TAF1: variants seen among roughly 807,000 people sequenced by gnomAD.
TAF1 encodes the protein transcription initiation factor TFIID subunit 1.
Under a neutral mutation model 138.5 loss-of-function variants are expected in TAF1, and 2 were observed. That is an observed-to-expected ratio of 0.01 (90% CI 0.01 to 0.05). The LOEUF (loss-of-function observed/expected upper bound fraction) is 0.05. TAF1 is among the 10% of genes least tolerant of loss of function. The pLI, the probability that TAF1 is intolerant of heterozygous loss-of-function variation, is 1.00. For synonymous variants in TAF1, 437 were observed against 503.2 expected (o/e 0.87, Z 1.76); for missense variants, 709 against 1,478.0 (o/e 0.48, Z 8.53).
At chrX:71,452,886 C>G (rs770722010) in intron 32 of TAF1, among the ~76,000 whole-genome samples, 6 of 112,369 alleles carry the variant, frequency 5.3e-5, no homozygotes, top group Non-Finnish European at 1.1e-4. Flanking sequence ...CAGCGAAACC[C>G]GGTCTCCACC....
chrX:71,383,070 G>A lies in TAF1; in HGVS notation c.1853G>A (p.Arg618His), dbSNP rs143439292. 1.2e-5 allele frequency: 15 copies of A among 1,210,456 alleles called. No homozygotes were observed. Among genetic ancestry groups the A allele is most frequent in the Non-Finnish European group, 1.7e-5 (15 of 895,226 alleles). ...MGPIKLRQFH[R>H]PPLKKYSFGA... ...CCCATCAAACTCCGGCAGTTCCATC[G>A]CCCACCTCTGAAAAAGTACTCATTT... is the stretch of plus-strand genomic sequence containing the variant. The change falls in exon 12 of 38, where the codon CGC becomes CAC. Residue 618 changes from arginine to histidine, a missense_variant. Transcript: ENST00000423759.
intron 25 of TAF1, 135 bp downstream of exon 25, chrX:71,401,874 A>G: frequency 1.7e-6 from 1 of 602,517 alleles, no homozygotes; most frequent in Non-Finnish European, 2.6e-6. Context: ...GCGTTTCCTC[A>G]GTTATTGTTG....
chrX:71,503,348 A>ATATATATATATGTG (rs1205535187), intron 13 of TAF1, among the ~76,000 whole-genome samples: 3 of 92,844 alleles, frequency 3.2e-5, no homozygotes, highest in Admixed American at 1.2e-4. Flanking sequence ...ATATATGTGT[A>ATATATATATATGTG]TATATATATA....
chrX:71,452,157 G>T (rs1205759121), intron 32 of TAF1, among the ~76,000 whole-genome samples: 2 of 107,986 alleles, frequency 1.9e-5, no homozygotes, highest in Admixed American at 9.6e-5. Context: ...CCGGGCGGGG[G>T]GCTGACCCCC....
intron 28 of TAF1, among the ~76,000 whole-genome samples, chrX:71,409,230 CCT>C (rs1462625587): frequency 5.5e-5 from 6 of 108,528 alleles, no homozygotes; most frequent in African/African-American, 2.0e-4. Flanking sequence ...GGATTTCATT[CCT>C]GTTGCCCAGT....
intron 32 of TAF1, among the ~76,000 whole-genome samples, chrX:71,431,439 A>C (rs1398206190): frequency 9.0e-6 from 1 of 110,738 alleles, no homozygotes; most frequent in African/African-American, 3.3e-5. Flanking sequence ...GATGAGCTCA[A>C]ATAGGGAGTA....
Position 71,459,636 on chromosome X carries a change from T to C in TAF1, c.5149T>C (p.Leu1717=). 8.3e-7 allele frequency: 1 copy of C among 1,211,166 alleles called. No homozygotes were observed. Among genetic ancestry groups the C allele is most frequent in the Non-Finnish European group, 1.1e-6 (1 of 895,375 alleles). The part of the protein sequence containing the change: ...QPQASVLYED[L]LMSEGEDDEE... ...TCAAGCCAGTGTCCTGTATGAGGAT[T>C]TGCTTATGTCTGAAGGAGAAGATGA... is the stretch of plus-strand genomic sequence containing the variant. The change falls in exon 36 of 38, where the codon TTG becomes CTG. Residue 1717 remains leucine (L), a synonymous_variant. Coordinates refer to ENST00000423759, the MANE Select transcript of TAF1 (RefSeq NM_004606.5).
intron 15 of TAF1, among the ~76,000 whole-genome samples, chrX:71,387,810 G>A (rs2007550652): frequency 3.6e-5 from 4 of 111,367 alleles, no homozygotes; most frequent in African/African-American, 1.3e-4. Context: ...GCACATGCCT[G>A]TAATCCCAGC....
intron 14 of TAF1, 178 bp from the exon 15 acceptor site, chrX:71,387,083 A>C (rs1216737788): frequency 2.7e-5 from 13 of 478,986 alleles, no homozygotes; most frequent in Non-Finnish European, 4.5e-5. Flanking sequence ...AAGATAGTGG[A>C]TGAAAAATTG....
intron 13 of TAF1, among the ~76,000 whole-genome samples, chrX:71,478,992 G>A (rs146027119): frequency 0.013 from 1,487 of 112,374 alleles, 11 homozygotes; most frequent in African/African-American, 0.033. Context: ...TTGCACCACC[G>A]TACCAGAAGA....
chrX:71,465,037 T>C lies in TAF1; in HGVS notation c.*991T>C, dbSNP rs1488938659. On this transcript the variant is annotated 3_prime_UTR_variant, in exon 38 of 38. Coordinates refer to ENST00000423759, the MANE Select transcript of TAF1 (RefSeq NM_004606.5). ...TTCTTAGGGCAAAGACTGTGTCTTC[T>C]GTTTCTTTTCATGCTTAGGATATGG... The C allele has an allele frequency of 9.4e-6, 1 of 105,935 alleles. No homozygotes were observed. Among genetic ancestry groups the C allele is most frequent in the African/African-American group, 3.4e-5 (1 of 29,146 alleles). 8.7% of individuals were successfully genotyped at this position (105,935 alleles called of 1,213,427 possible). A position where few individuals can be genotyped will look rare whatever the true frequency, so the allele number is the denominator to read the frequency against.
At chrX:71,366,803 C>T (rs1027656462) in intron 1 of TAF1, among the ~76,000 whole-genome samples, 2 of 111,326 alleles carry the variant, frequency 1.8e-5, no homozygotes, top group Admixed American at 9.6e-5. Flanking sequence ...TGGCTTCCCA[C>T]CCGTAACCTG....
intron 13 of TAF1, among the ~76,000 whole-genome samples, chrX:71,482,230 T>G (rs1444983134): frequency 8.9e-6 from 1 of 112,332 alleles, no homozygotes; most frequent in African/African-American, 3.2e-5. Context: ...TCCCTTTATC[T>G]CATGGCCAAT....
At chrX:71,378,124 T>G in intron 6 of TAF1, 111 bp from the exon 7 acceptor site, 1 of 774,385 alleles carries the variant, frequency 1.3e-6, no homozygotes, top group African/African-American at 2.1e-5. Flanking sequence ...TAACTCCAGG[T>G]AAATCATCCT....
Position 71,407,807 on chromosome X carries a change from G to T in TAF1, c.4206+135G>T, listed in dbSNP as rs768164393. The T allele has an allele frequency of 3.6e-4, 341 of 953,319 alleles. 1 individual carries two copies. Among genetic ancestry groups the T allele is most frequent in the African/African-American group, 2.8e-3 (140 of 50,269 alleles). The allele number at this position is 953,319 out of a possible 1,213,427, so 78.6% of individuals were successfully genotyped here. On this transcript the variant is annotated intron_variant, in intron 27 of 37. Transcript: ENST00000423759. ...AATTTTTAGGGAGTTAGTTTTTTTT[G>T]TTTGTTTGTTTTTTTAAGCAGTTTA...
chrX:71,392,888 C>T lies in TAF1; in HGVS notation c.2945C>T (p.Pro982Leu), dbSNP rs770501081. The change falls in exon 20 of 38, where the codon CCG (proline) becomes CTG (leucine). Residue 982 changes from proline (P) to leucine (L), a missense_variant. Coordinates refer to ENST00000423759, the MANE Select transcript of TAF1 (RefSeq NM_004606.5). ...KPTQQKDDKE[P>L]QPVKKTVTGT... ...TGTTTGAGGTAGGATGATAAAGAAC[C>T]GCAGCCAGTGAAGAAGACAGTGACA... The T allele has an allele frequency of 2.1e-5, 25 of 1,209,255 alleles. No homozygotes were observed. The highest frequency in any genetic ancestry group is 3.5e-5 in the South Asian group (2 of 56,719).
intron 3 of TAF1, among the ~76,000 whole-genome samples, chrX:71,370,581 C>G (rs990798453): frequency 9.0e-6 from 1 of 111,607 alleles, no homozygotes; most frequent in African/African-American, 3.3e-5. Context: ...AACTCCTGAC[C>G]TCAGGTAATC....
chrX:71,378,167 C>G, intron 6 of TAF1, 68 bp from the exon 7 acceptor site: 1 of 1,083,304 alleles, frequency 9.2e-7, no homozygotes, highest in Non-Finnish European at 1.3e-6. Context: ...TGACTGTTAA[C>G]TCTCTATAGC....
At chrX:71,452,808 C>T (rs1298829838) in intron 32 of TAF1, among the ~76,000 whole-genome samples, 3 of 112,349 alleles carry the variant, frequency 2.7e-5, no homozygotes, top group Non-Finnish European at 3.8e-5. Flanking sequence ...TCTGCAATCC[C>T]GGCACCTCGT....
Sources: allele counts gnomAD v4.1 joint callset (sites outside exome capture counted in the v4.1 genomes callset), GRCh38; gene constraint gnomAD v4.1.1; transcripts MANE v1.5; gene names NCBI Gene and HGNC (gene_info 2026-07-23, HGNC 2026-07-21).